The following FOXP1 variants were observed in gnomAD, a reference collection of about 807,000 sequenced individuals.
FOXP1 encodes forkhead box protein P1.
In FOXP1, 15 loss-of-function variants were observed where a neutral mutation model predicts 98.2. The ratio of observed to expected loss-of-function variants is 0.15; its 90% CI spans 0.10 to 0.24. The LOEUF (loss-of-function observed/expected upper bound fraction) is 0.24. Ranked by LOEUF, FOXP1 falls within the 10% of genes least tolerant of loss-of-function variation. The pLI is 1.00. For missense variants in FOXP1, 633 were observed against 848.5 expected, an observed-to-expected ratio of 0.75 and a Z score of 3.15; for synonymous variants, 371 against 314.5, an observed-to-expected ratio of 1.18 and a Z score of -1.90.
chr3:71,262,877 T>A (rs1431120546), intron 5 of FOXP1, among the ~76,000 whole-genome samples: 1 of 152,184 alleles, frequency 6.6e-6, no homozygotes, highest in Non-Finnish European at 1.5e-5. Flanking sequence ...ACCCGGTAGA[T>A]CTTGAGCCGT....
intron 11 of FOXP1, among the ~76,000 whole-genome samples, chr3:71,039,595 C>T (rs1284701323): frequency 1.3e-5 from 2 of 152,070 alleles, no homozygotes; most frequent in Admixed American, 6.6e-5. Flanking sequence ...CATCAGTCGG[C>T]GTTTTTCAGT....
chr3:70,996,718 T>C (rs2041419794), intron 13 of FOXP1, among the ~76,000 whole-genome samples: 1 of 152,150 alleles, frequency 6.6e-6, no homozygotes, highest in Non-Finnish European at 1.5e-5. Context: ...AATCCTTTTA[T>C]GATGACCCTC....
At chr3:71,052,677 T>C (rs2050072921) in intron 8 of FOXP1, 51 bp from the exon 9 acceptor site, 1 of 874,596 alleles carries the variant, frequency 1.1e-6, no homozygotes, top group African/African-American at 1.6e-5. Context: ...GCCAATCCAC[T>C]GTCCCTTTTG....
intron 17 of FOXP1, 49 bp from the exon 18 acceptor site, chr3:70,972,725 A>G: frequency 6.3e-7 from 1 of 1,595,126 alleles, no homozygotes; most frequent in Non-Finnish European, 8.6e-7. Flanking sequence ...ATAAGAAAAG[A>G]CTCCAAAAAC....
intron 3 of FOXP1, among the ~76,000 whole-genome samples, chr3:71,458,142 A>G (rs1035610287): frequency 6.6e-6 from 1 of 152,234 alleles, no homozygotes; most frequent in African/African-American, 2.4e-5. Context: ...TTGATACAAG[A>G]TTACTTCACT....
intron 1 of FOXP1, chr3:71,582,305 G>T: frequency 1.0e-6 from 1 of 974,154 alleles, no homozygotes; most frequent in South Asian, 4.7e-5. Flanking sequence ...CGGGAGGCGG[G>T]GGCGAGGGAA....
intron 6 of FOXP1, among the ~76,000 whole-genome samples, chr3:71,157,655 A>C (rs1176049220): frequency 6.6e-6 from 1 of 152,160 alleles, no homozygotes; most frequent in African/African-American, 2.4e-5. Flanking sequence ...TAAGTATGTA[A>C]ATCTTCTGAT....
At chr3:71,447,623 C>G (rs2086569290) in intron 3 of FOXP1, among the ~76,000 whole-genome samples, 1 of 152,142 alleles carries the variant, frequency 6.6e-6, no homozygotes, top group Non-Finnish European at 1.5e-5. Flanking sequence ...GGATGAGGTT[C>G]ACGCTAGCAG....
rs142175114 is a variant in FOXP1, at chr3:71,316,445, A to T, written c.-72-16565T>A. Among the ~76,000 whole-genome samples, 33 of 152,194 alleles carry T rather than the reference A, an allele frequency of 2.2e-4. No homozygotes were observed. In the East Asian group the frequency reaches 4.3e-3, roughly 20 times the overall value. On this transcript the variant is annotated intron_variant, in intron 4 of 20. Coordinates refer to ENST00000649528, the MANE Select transcript of FOXP1 (RefSeq NM_001349338.3). The stretch of plus-strand genomic sequence containing the variant: ...CTCTGATAGGTCCCTTTCCAAGGCT[A>T]GATGCAAGGACCACCAGGGCCAGCT...
chr3:71,347,418 TTCTGCCTCTACCATCAATA>T (rs1223693574), intron 4 of FOXP1, among the ~76,000 whole-genome samples: 7 of 152,244 alleles, frequency 4.6e-5, no homozygotes, highest in African/African-American at 1.7e-4. Context: ...TTAAACAAAC[TTCTGCCTCTACCATCAATA>T]TCAGCAGAGC....
At chr3:71,070,203 C>T (rs1038970795) in intron 7 of FOXP1, among the ~76,000 whole-genome samples, 2 of 152,096 alleles carry the variant, frequency 1.3e-5, no homozygotes, top group Admixed American at 1.3e-4. Context: ...AGGGGGACAC[C>T]CCTAGTGAAA....
intron 6 of FOXP1, among the ~76,000 whole-genome samples, chr3:71,186,602 T>C (rs929819417): frequency 5.9e-5 from 9 of 152,124 alleles, no homozygotes; most frequent in African/African-American, 2.2e-4. Context: ...TCCCAGCTAC[T>C]TGGGAGGCTG....
At chr3:71,562,178 G>A (rs577157448) in intron 2 of FOXP1, among the ~76,000 whole-genome samples, 2 of 152,208 alleles carry the variant, frequency 1.3e-5, no homozygotes, top group Non-Finnish European at 2.9e-5. Context: ...GGTTGTTTCT[G>A]CCTGGACAGG....
At chr3:71,474,159 T>C (rs544960535) in intron 3 of FOXP1, among the ~76,000 whole-genome samples, 32 of 152,300 alleles carry the variant, frequency 2.1e-4, no homozygotes, top group Middle Eastern at 3.4e-3. Flanking sequence ...TGTTTTATTG[T>C]TTCACAATAG....
At chr3:71,171,773 C>T (rs965484209) in intron 6 of FOXP1, among the ~76,000 whole-genome samples, 8 of 152,190 alleles carry the variant, frequency 5.3e-5, no homozygotes, top group Non-Finnish European at 8.8e-5. Flanking sequence ...TGTATTGACA[C>T]ACAGGGCTGG....
At chr3:71,144,523 A>G (rs1490531045) in intron 6 of FOXP1, among the ~76,000 whole-genome samples, 1 of 152,202 alleles carries the variant, frequency 6.6e-6, no homozygotes, top group African/African-American at 2.4e-5. Context: ...GGTTGGCAGA[A>G]AAGTGGGCAG....
chr3:71,199,899 A>T (rs2063554894), intron 5 of FOXP1, among the ~76,000 whole-genome samples: 1 of 151,900 alleles, frequency 6.6e-6, no homozygotes, highest in African/African-American at 2.4e-5. Context: ...AATATGGTGA[A>T]ACCCTGCCTC....
intron 4 of FOXP1, among the ~76,000 whole-genome samples, chr3:71,353,893 A>C (rs2077966472): frequency 6.6e-6 from 1 of 152,214 alleles, no homozygotes; most frequent in Non-Finnish European, 1.5e-5. Context: ...AATTGGTGTT[A>C]ATAATGAAAG....
intron 12 of FOXP1, among the ~76,000 whole-genome samples, chr3:71,011,710 A>G (rs1243328251): frequency 6.6e-6 from 1 of 152,196 alleles, no homozygotes; most frequent in African/African-American, 2.4e-5. Context: ...AGTACCAGGA[A>G]ATAACCAAGC....
Sources: gnomAD v4.1 joint callset for allele counts (sites outside exome capture counted in the v4.1 genomes callset) on GRCh38, gnomAD v4.1.1 for gene constraint, MANE v1.5 for transcripts, NCBI Gene and HGNC (gene_info 2026-07-23, HGNC 2026-07-21) for gene names.